SH3RF3: variants seen among roughly 807,000 people sequenced by gnomAD.
The protein encoded by SH3RF3 is E3 ubiquitin-protein ligase SH3RF3.
Under a neutral mutation model 66.3 loss-of-function variants are expected in SH3RF3, and 29 were observed. The ratio of observed to expected loss-of-function variants is 0.44; its 90% CI spans 0.33 to 0.60. The LOEUF is 0.60. Among genes scored for constraint, SH3RF3 ranks in the 20% least tolerant of loss-of-function variants. SH3RF3 has a pLI of 0.04. For missense variants in SH3RF3, 1,194 were observed against 1,190.9 expected (o/e 1.00, Z -0.04); for synonymous variants, 583 against 532.0 (o/e 1.10, Z -1.32).
In SH3RF3 at chr2:109,195,767, C is replaced by A. The variant is rs538836764; in HGVS notation, c.573+65654C>A. Among the ~76,000 whole-genome samples the A allele has an allele frequency of 3.3e-5, 5 of 152,312 alleles. No individual in the cohort carries two copies. In the East Asian group the frequency reaches 9.7e-4, roughly 29 times the overall value. On this transcript the variant is annotated intron_variant, in intron 1 of 9. Transcript: ENST00000309415. ...AAGGCGTTTAAAAATAGCCTTTGGA[C>A]TTCCTGTGGGTAATTGGGCTTCTCA...
chr2:109,189,953 G>A (rs1255810358), intron 1 of SH3RF3, among the ~76,000 whole-genome samples: 1 of 152,204 alleles, frequency 6.6e-6, no homozygotes, highest in Non-Finnish European at 1.5e-5. Flanking sequence ...CAAACTCTGT[G>A]TGGAATGTTC....
At chr2:109,246,657 C>G (rs116695121) in intron 1 of SH3RF3, among the ~76,000 whole-genome samples, 2 of 152,318 alleles carry the variant, frequency 1.3e-5, no homozygotes, top group Middle Eastern at 3.4e-3. Flanking sequence ...CTTATTTGAC[C>G]TGTGGACTTA....
chr2:109,318,168 C>T (rs1378936631), intron 1 of SH3RF3, among the ~76,000 whole-genome samples: 1 of 151,666 alleles, frequency 6.6e-6, no homozygotes, highest in African/African-American at 2.4e-5. Flanking sequence ...AAATCCTTGC[C>T]TAATTTCAGA....
chr2:109,419,025 G>T (rs1676800232), intron 4 of SH3RF3, among the ~76,000 whole-genome samples: 1 of 152,098 alleles, frequency 6.6e-6, no homozygotes, highest in South Asian at 2.1e-4. Flanking sequence ...TTGAAGCTTG[G>T]AGCACTTTGG....
chr2:109,412,950 T>A (rs930982650), intron 4 of SH3RF3, among the ~76,000 whole-genome samples: 1 of 152,172 alleles, frequency 6.6e-6, no homozygotes, highest in African/African-American at 2.4e-5. Context: ...TCCAGGCCTG[T>A]CCATGGAGAC....
chr2:109,239,769 G>A (rs1317988867), intron 1 of SH3RF3, among the ~76,000 whole-genome samples: 1 of 152,236 alleles, frequency 6.6e-6, no homozygotes, highest in Non-Finnish European at 1.5e-5. Flanking sequence ...CGGCACTGCT[G>A]TGGGAGTCCC....
chr2:109,502,965 G>A lies in SH3RF3; in HGVS notation c.*1294G>A, dbSNP rs1330310936. 6.6e-6 allele frequency: 1 copy of A among 152,244 alleles called. No homozygotes were observed. The highest frequency in any genetic ancestry group is 1.5e-5 in the Non-Finnish European group (1 of 68,046). 9.4% of individuals were successfully genotyped at this position (152,244 alleles called of 1,614,324 possible). A position where few individuals can be genotyped will look rare whatever the true frequency, so the allele number is the denominator to read the frequency against. The stretch of plus-strand genomic sequence containing the variant: ...GGAGACCAGAGGTACAAGGAGATCA[G>A]GGGGTTGCAGCACCGCTGCAGGCTT... On this transcript the variant is annotated 3_prime_UTR_variant, in exon 10 of 10. Coordinates refer to ENST00000309415, the MANE Select transcript of SH3RF3 (RefSeq NM_001099289.3).
At chr2:109,220,822 C>G (rs1679211813) in intron 1 of SH3RF3, among the ~76,000 whole-genome samples, 1 of 152,182 alleles carries the variant, frequency 6.6e-6, no homozygotes, top group African/African-American at 2.4e-5. Flanking sequence ...AATGGTACAG[C>G]TGCTGTGCAA....
intron 1 of SH3RF3, among the ~76,000 whole-genome samples, chr2:109,186,448 C>T (rs1231048781): frequency 6.6e-6 from 1 of 152,238 alleles, no homozygotes; most frequent in Non-Finnish European, 1.5e-5. Context: ...AAACACTTCA[C>T]CGCCGTGCTG....
In SH3RF3 at chr2:109,260,009, T is replaced by C. The variant is rs561258568; in HGVS notation, c.574-87665T>C. Among the ~76,000 whole-genome samples, 18 of 152,360 alleles carry C rather than the reference T, an allele frequency of 1.2e-4. No individual in the cohort carries two copies. The South Asian group carries it at 3.1e-3, about 26-fold the overall frequency. ...CTCTTTTCTTCTCCGGCCAGAGATA[T>C]CTTTTCCAAGTAGTAATTGTAATTT... On this transcript the variant is annotated intron_variant, in intron 1 of 9. Transcript: ENST00000309415.
intron 9 of SH3RF3, among the ~76,000 whole-genome samples, chr2:109,498,873 G>A (rs1007588346): frequency 7.2e-5 from 11 of 152,198 alleles, no homozygotes; most frequent in African/African-American, 1.4e-4. Flanking sequence ...AGGGAAGGGC[G>A]TTCTGGGCAG....
At chr2:109,145,439 C>T (rs1352263782) in intron 1 of SH3RF3, among the ~76,000 whole-genome samples, 4 of 152,134 alleles carry the variant, frequency 2.6e-5, no homozygotes, top group East Asian at 1.9e-4. Flanking sequence ...TATGGAAGAC[C>T]GGTCGCCTTC....
chr2:109,365,605 G>C (rs1306301082), intron 2 of SH3RF3, among the ~76,000 whole-genome samples: 1 of 152,114 alleles, frequency 6.6e-6, no homozygotes, highest in Non-Finnish European at 1.5e-5. Context: ...CTATTGAATG[G>C]TGTGTGTGCT....
At chr2:109,293,646 G>T (rs1041390608) in intron 1 of SH3RF3, among the ~76,000 whole-genome samples, 3 of 152,352 alleles carry the variant, frequency 2.0e-5, no homozygotes, top group East Asian at 1.9e-4. Context: ...TTGTCTTTGG[G>T]CAGGGCCCTC....
At chr2:109,163,954 T>C (rs1179571502) in intron 1 of SH3RF3, among the ~76,000 whole-genome samples, 1 of 152,180 alleles carries the variant, frequency 6.6e-6, no homozygotes, top group African/African-American at 2.4e-5. Flanking sequence ...TCTGGATATG[T>C]TTTTGCTTCT....
intron 8 of SH3RF3, among the ~76,000 whole-genome samples, chr2:109,468,162 G>A (rs6705524): frequency 0.01 from 1,590 of 152,320 alleles, 31 homozygotes; most frequent in African/African-American, 0.036. Context: ...ATCACAGAGT[G>A]GACTCACACA....
chr2:109,465,787 G>A (rs1472285152), intron 8 of SH3RF3, among the ~76,000 whole-genome samples: 2 of 152,130 alleles, frequency 1.3e-5, no homozygotes, highest in Non-Finnish European at 2.9e-5. Flanking sequence ...GAGCAAGAGG[G>A]GAGGGAGGAG....
intron 8 of SH3RF3, among the ~76,000 whole-genome samples, chr2:109,455,974 C>T (rs1304715343): frequency 6.6e-6 from 1 of 152,256 alleles, no homozygotes; most frequent in Non-Finnish European, 1.5e-5. Context: ...ACGTGGGAAC[C>T]ATCATGCAGG....
At chr2:109,161,781 A>G (rs1029954490) in intron 1 of SH3RF3, among the ~76,000 whole-genome samples, 11 of 151,880 alleles carry the variant, frequency 7.2e-5, no homozygotes, top group African/African-American at 2.7e-4. Flanking sequence ...CTCACTCACC[A>G]CCACCCCCAG....
Sources: allele counts gnomAD v4.1 joint callset (sites outside exome capture counted in the v4.1 genomes callset), GRCh38; gene constraint gnomAD v4.1.1; transcripts MANE v1.5; gene names NCBI Gene and HGNC (gene_info 2026-07-23, HGNC 2026-07-21).